Variants in OPN5 observed in about 807,000 individuals in gnomAD.
OPN5 encodes opsin-5.
In OPN5, 18 loss-of-function variants were observed where a neutral mutation model predicts 41.7. The observed-to-expected ratio is 0.43, with a 90% CI of 0.30 to 0.64. The LOEUF is 0.64. Among genes scored for constraint, OPN5 ranks in the 30% least tolerant of loss-of-function variants. The probability of loss-of-function intolerance (pLI) is 0.13; values close to 1 mark genes in which losing one functional copy is unlikely to be tolerated. For missense variants in OPN5, 318 were observed against 434.5 expected (o/e 0.73, Z 2.38); for synonymous variants, 178 against 164.3 (o/e 1.08, Z -0.64).
chr6:47,808,290 C>T, exon 5 of OPN5: 1 of 1,614,044 alleles, frequency 6.2e-7, no homozygotes, highest in Non-Finnish European at 8.5e-7. Flanking sequence ...GCAAAATCTG[C>T]AGCGATGTAC....
chr6:47,810,067 G>A (rs1478300152), intron 5 of OPN5, among the ~76,000 whole-genome samples: 1 of 152,192 alleles, frequency 6.6e-6, no homozygotes, highest in Non-Finnish European at 1.5e-5. Flanking sequence ...AAGTGACTTA[G>A]GGCCACAGAC....
chr6:47,799,233 T>C (rs1045802570), intron 4 of OPN5, among the ~76,000 whole-genome samples: 18 of 149,368 alleles, frequency 1.2e-4, no homozygotes, highest in South Asian at 4.2e-4. Flanking sequence ...CACACACACA[T>C]GATATACATG....
chr6:47,795,389 A>G (rs1222666711), exon 4 of OPN5: 1 of 1,613,990 alleles, frequency 6.2e-7, no homozygotes, highest in Non-Finnish European at 8.5e-7. Context: ...AGGCCTCGGT[A>G]GGGGGCCAGG....
chr6:47,809,761 T>C (rs946258965), intron 5 of OPN5, among the ~76,000 whole-genome samples: 1 of 152,246 alleles, frequency 6.6e-6, no homozygotes, highest in Non-Finnish European at 1.5e-5. Context: ...TAAATCCAAA[T>C]GCTAAAAAGC....
At chr6:47,813,285 G>A (rs1762319426) in intron 6 of OPN5, among the ~76,000 whole-genome samples, 1 of 152,196 alleles carries the variant, frequency 6.6e-6, no homozygotes, top group African/African-American at 2.4e-5. Context: ...GTAAAGCACA[G>A]TCAGGTTTGC....
chr6:47,821,475 A>G (rs1481795644), intron 6 of OPN5, among the ~76,000 whole-genome samples: 4 of 152,224 alleles, frequency 2.6e-5, no homozygotes, highest in Non-Finnish European at 4.4e-5. Flanking sequence ...GTCTTGGCAC[A>G]GTATTATTCT....
At chr6:47,785,996 C>T (rs1773179796) in intron 1 of OPN5, among the ~76,000 whole-genome samples, 1 of 152,222 alleles carries the variant, frequency 6.6e-6, no homozygotes, top group South Asian at 2.1e-4. Context: ...TGGGAGATGT[C>T]CATTTTCTTG....
intron 4 of OPN5, among the ~76,000 whole-genome samples, chr6:47,805,955 C>T (rs540951871): frequency 4.6e-4 from 70 of 152,140 alleles, no homozygotes; most frequent in African/African-American, 1.3e-3. Context: ...ATAAAATCCC[C>T]AAGGTGGGTC....
At chr6:47,783,947 T>C (rs922274779) in intron 1 of OPN5, among the ~76,000 whole-genome samples, 10 of 152,174 alleles carry the variant, frequency 6.6e-5, no homozygotes, top group Non-Finnish European at 8.8e-5. Flanking sequence ...TATCAGTCCA[T>C]TCCCAATCTT....
intron 3 of OPN5, among the ~76,000 whole-genome samples, chr6:47,794,097 G>A (rs1329028128): frequency 6.6e-6 from 1 of 152,154 alleles, no homozygotes; most frequent in Non-Finnish European, 1.5e-5. Flanking sequence ...GCACTTTCTA[G>A]TTTGCAAAGC....
At chr6:47,795,585 A>C (rs1773527706) in intron 4 of OPN5, 22 bp downstream of exon 4, 2 of 1,556,082 alleles carry the variant, frequency 1.3e-6, no homozygotes, top group Non-Finnish European at 1.8e-6. Context: ...AATATTTTAC[A>C]CATGTGTTTT....
intron 4 of OPN5, among the ~76,000 whole-genome samples, chr6:47,805,982 A>G (rs1389242985): frequency 6.6e-6 from 1 of 151,992 alleles, no homozygotes; most frequent in South Asian, 2.1e-4. Flanking sequence ...AGATCTTTTG[A>G]GTCATGCGCT....
chr6:47,782,899 C>T (rs1032663116), intron 1 of OPN5, among the ~76,000 whole-genome samples: 1 of 152,082 alleles, frequency 6.6e-6, no homozygotes, highest in Non-Finnish European at 1.5e-5. Context: ...AAATACTCAC[C>T]AGATACTGAA....
intron 4 of OPN5, among the ~76,000 whole-genome samples, chr6:47,800,006 AT>A (rs1004614427): frequency 5.7e-4 from 87 of 152,096 alleles, no homozygotes; most frequent in Non-Finnish European, 1.6e-4. Context: ...GGAGTTTCAA[AT>A]TTCTGTTTTA....
At chr6:47,813,631 T>C (rs550247314) in intron 6 of OPN5, among the ~76,000 whole-genome samples, 1 of 152,162 alleles carries the variant, frequency 6.6e-6, no homozygotes, top group South Asian at 2.1e-4. Flanking sequence ...GGTGGCAGTG[T>C]GGAAGGTGGA....
intron 4 of OPN5, among the ~76,000 whole-genome samples, chr6:47,797,750 C>T (rs1018133065): frequency 2.0e-5 from 3 of 152,204 alleles, no homozygotes; most frequent in East Asian, 3.8e-4. Flanking sequence ...TTGGCCTTGA[C>T]ACTTTGTTGG....
chr6:47,817,014 A>G (rs1228086692), intron 6 of OPN5, among the ~76,000 whole-genome samples: 1 of 152,086 alleles, frequency 6.6e-6, no homozygotes, highest in Admixed American at 6.6e-5. Context: ...GAAAGTGAGA[A>G]ACACACTAAG....
At chr6:47,818,057 G>C (rs1415021311) in intron 6 of OPN5, among the ~76,000 whole-genome samples, 9 of 152,102 alleles carry the variant, frequency 5.9e-5, no homozygotes, top group Non-Finnish European at 1.3e-4. Flanking sequence ...AATTTGTTCA[G>C]AAAGAAGGGT....
chr6:47,782,637 T>C (rs1773115767), intron 1 of OPN5, among the ~76,000 whole-genome samples: 1 of 152,208 alleles, frequency 6.6e-6, no homozygotes, highest in African/African-American at 2.4e-5. Flanking sequence ...AACTCAATTG[T>C]GCTATTGTGC....
Sources: allele counts gnomAD v4.1 joint callset (sites outside exome capture counted in the v4.1 genomes callset), GRCh38; gene constraint gnomAD v4.1.1; transcripts MANE v1.5; gene names NCBI Gene and HGNC (gene_info 2026-07-23, HGNC 2026-07-21).